The following PDE3A variants were observed in gnomAD, a reference collection of about 807,000 sequenced individuals.
PDE3A encodes the protein cGMP-inhibited 3',5'-cyclic phosphodiesterase 3A.
Under a neutral mutation model 98.3 loss-of-function variants are expected in PDE3A, and 43 were observed. The observed-to-expected ratio is 0.44, with a 90% CI of 0.34 to 0.56. The LOEUF (loss-of-function observed/expected upper bound fraction) is 0.56. PDE3A is among the 20% of genes least tolerant of loss of function. The pLI is 0.01. For missense variants in PDE3A, 1,427 were observed against 1,440.7 expected, an observed-to-expected ratio of 0.99 and a Z score of 0.15; for synonymous variants, 663 against 567.9, an observed-to-expected ratio of 1.17 and a Z score of -2.38.
intron 2 of PDE3A, among the ~76,000 whole-genome samples, chr12:20,574,214 A>T (rs7977226): frequency 0.84 from 127,289 of 152,040 alleles, 53,427 homozygotes; most frequent in South Asian, 0.87. Flanking sequence ...GGGTAAAATT[A>T]ACTATACCTG....
chr12:20,385,266 G>C (rs564261975), intron 1 of PDE3A, among the ~76,000 whole-genome samples: 1 of 151,854 alleles, frequency 6.6e-6, no homozygotes, highest in African/African-American at 2.4e-5. Flanking sequence ...TTAGAATGGC[G>C]ATCATTAAAA....
Position 20,572,033 on chromosome 12 carries a change from T to C in PDE3A, c.1011+15323T>C, listed in dbSNP as rs904983101. On this transcript the variant is annotated intron_variant, in intron 2 of 15. Transcript: ENST00000359062. ...GCTTTTAATTGGAGGATAGCTGGAG[T>C]TGCAATCAGTATTCATGAAAGCATG... 1.2e-5 allele frequency: 14 copies of C among 1,122,218 alleles called. No individual in the cohort carries two copies. In the African/African-American group the frequency reaches 2.2e-4, roughly 18 times the overall value. 69.5% of individuals were successfully genotyped at this position (1,122,218 alleles called of 1,614,324 possible).
chr12:20,595,696 C>A (rs1173483309), intron 2 of PDE3A, among the ~76,000 whole-genome samples: 5 of 152,142 alleles, frequency 3.3e-5, no homozygotes, highest in African/African-American at 7.2e-5. Context: ...CATTTTGAAG[C>A]TCTTTTTAGT....
chr12:20,660,649 G>T (rs1945145851), intron 15 of PDE3A, among the ~76,000 whole-genome samples: 1 of 152,156 alleles, frequency 6.6e-6, no homozygotes, highest in South Asian at 2.1e-4. Context: ...AGATCTAATG[G>T]TTTTAAAAAG....
At chr12:20,431,624 C>A (rs1047651135) in intron 1 of PDE3A, among the ~76,000 whole-genome samples, 1 of 150,182 alleles carries the variant, frequency 6.7e-6, no homozygotes, top group African/African-American at 2.5e-5. Flanking sequence ...CACACACACG[C>A]ACACACACGC....
intron 1 of PDE3A, among the ~76,000 whole-genome samples, chr12:20,378,120 G>A (rs1943603527): frequency 6.6e-6 from 1 of 151,700 alleles, no homozygotes; most frequent in Admixed American, 6.6e-5. Context: ...AATGAAAATG[G>A]TTCATTCTGT....
intron 1 of PDE3A, among the ~76,000 whole-genome samples, chr12:20,472,018 A>C (rs2120970427): frequency 6.6e-6 from 1 of 152,230 alleles, no homozygotes; most frequent in Non-Finnish European, 1.5e-5. Flanking sequence ...ATTTAATACC[A>C]AAAGAGGCAG....
At chr12:20,380,394 GT>G (rs1204104520) in intron 1 of PDE3A, among the ~76,000 whole-genome samples, 3 of 151,748 alleles carry the variant, frequency 2.0e-5, no homozygotes, top group Non-Finnish European at 4.4e-5. Flanking sequence ...AGCTTATAGG[GT>G]TTTATTGCAG....
chr12:20,462,250 G>A (rs1945264188), intron 1 of PDE3A, among the ~76,000 whole-genome samples: 1 of 152,138 alleles, frequency 6.6e-6, no homozygotes, highest in Non-Finnish European at 1.5e-5. Flanking sequence ...CAGCACTTTG[G>A]GAGGCTAAGA....
chr12:20,669,447 G>C (rs1206259297), intron 15 of PDE3A, among the ~76,000 whole-genome samples: 1 of 151,446 alleles, frequency 6.6e-6, no homozygotes, highest in Admixed American at 6.6e-5. Context: ...GGCAGCCAGA[G>C]AGAAAGGTCG....
chr12:20,554,588 T>C (rs1294804983), intron 1 of PDE3A, among the ~76,000 whole-genome samples: 15 of 151,604 alleles, frequency 9.9e-5, no homozygotes, highest in Admixed American at 9.9e-4. Flanking sequence ...TTCTTTCTTT[T>C]TTTTTTCTTT....
chr12:20,424,603 G>A (rs894571075), intron 1 of PDE3A, among the ~76,000 whole-genome samples: 16 of 152,234 alleles, frequency 1.1e-4, no homozygotes, highest in African/African-American at 3.6e-4. Flanking sequence ...TTGATAGGTG[G>A]TGTAGAATGA....
chr12:20,402,296 GT>G (rs1260414662), intron 1 of PDE3A, among the ~76,000 whole-genome samples: 2 of 152,122 alleles, frequency 1.3e-5, no homozygotes, highest in African/African-American at 2.4e-5. Flanking sequence ...TTACAGGTGT[GT>G]GCCACCACGC....
intron 15 of PDE3A, among the ~76,000 whole-genome samples, chr12:20,656,103 A>G (rs1945038032): frequency 6.6e-6 from 1 of 152,232 alleles, no homozygotes; most frequent in Non-Finnish European, 1.5e-5. Context: ...GATATTGCAC[A>G]AATACTGCTC....
chr12:20,674,732 T>G (rs1945588768), intron 15 of PDE3A, among the ~76,000 whole-genome samples: 1 of 152,120 alleles, frequency 6.6e-6, no homozygotes, highest in Admixed American at 6.6e-5. Context: ...AGTTTGCTAA[T>G]ACATACTTGT....
chr12:20,524,835 G>A (rs1946486258), intron 1 of PDE3A, among the ~76,000 whole-genome samples: 1 of 151,944 alleles, frequency 6.6e-6, no homozygotes, highest in Non-Finnish European at 1.5e-5. Context: ...ACCCTCTTGT[G>A]GTTAGAAGAT....
At chr12:20,462,833 T>C (rs1369315172) in intron 1 of PDE3A, among the ~76,000 whole-genome samples, 1 of 152,030 alleles carries the variant, frequency 6.6e-6, no homozygotes, top group Non-Finnish European at 1.5e-5. Context: ...CTCTGTCATC[T>C]AGGCTGGGGT....
At chr12:20,415,048 A>G (rs1415749403) in intron 1 of PDE3A, among the ~76,000 whole-genome samples, 1 of 151,198 alleles carries the variant, frequency 6.6e-6, no homozygotes, top group African/African-American at 2.4e-5. Flanking sequence ...AAAAGCTTTT[A>G]TTTAAAGACT....
In PDE3A at chr12:20,369,571, C is replaced by A. The variant is rs1488118151; in HGVS notation, c.287C>A (p.Ala96Glu). 6.4e-7 allele frequency: 1 copy of A among 1,553,824 alleles called. No individual in the cohort carries two copies. Among genetic ancestry groups the A allele is most frequent in the Admixed American group, 1.9e-5 (1 of 51,490 alleles). The change falls in exon 1 of 16, where the codon GCG (alanine) becomes GAG (glutamate). Residue 96 changes from alanine to glutamate, a missense_variant. Ala to Glu is a moderately radical substitution (Grantham distance 107, BLOSUM62 -1). This residue lies in a region of PDE3A where 1,012 missense variants were observed against 886.5 expected (regional missense o/e 1.14). Coordinates refer to ENST00000359062, the MANE Select transcript of PDE3A (RefSeq NM_000921.5). ...GCDLEQCKEAAAAEEEEAAPG... is the reference protein window; with the variant it reads ...GCDLEQCKEAEAAEEEEAAPG... ...GACCTGGAGCAGTGTAAGGAGGCGGCGGCGGCGGAGGAGGAGGAAGCAGCC... is the reference window on the plus strand; with the variant it reads ...GACCTGGAGCAGTGTAAGGAGGCGGAGGCGGCGGAGGAGGAGGAAGCAGCC...
Sources: gnomAD v4.1 joint callset for allele counts (sites outside exome capture counted in the v4.1 genomes callset) on GRCh38, gnomAD v4.1.1 for gene constraint, gnomAD v4.1.1 regional missense constraint, MANE v1.5 for transcripts, NCBI Gene and HGNC (gene_info 2026-07-23, HGNC 2026-07-21) for gene names.